The following PPP1R18 variants were observed in gnomAD, a reference collection of about 807,000 sequenced individuals.
PPP1R18 encodes the protein phostensin.
Under a neutral mutation model 54.8 loss-of-function variants are expected in PPP1R18, and 31 were observed. That is an observed-to-expected ratio of 0.57 (90% CI 0.43 to 0.76). The LOEUF is 0.76. Among genes scored for constraint, PPP1R18 ranks in the 30% least tolerant of loss-of-function variants. PPP1R18 has a pLI of 0.00. For synonymous variants in PPP1R18, 310 were observed against 320.2 expected, an observed-to-expected ratio of 0.97 and a Z score of 0.34; for missense variants, 685 against 776.1, an observed-to-expected ratio of 0.88 and a Z score of 1.39.
chr6:30,685,058 C>T lies in PPP1R18; in HGVS notation c.961G>A (p.Asp321Asn). 1 of 1,613,278 alleles carries T rather than the reference C, an allele frequency of 6.2e-7. No homozygotes were observed. The highest frequency in any genetic ancestry group is 1.1e-5 in the South Asian group (1 of 91,090). ...GTTGGCTTCATGCCCCTCTCGCCAT[C>T]TTCCACAGGCCTCTGCTCTGCTGCC... ...VEAAEQRPVE[D>N]GERGMKPTEG... The change falls in exon 1 of 3, where the codon GAT becomes AAT. Residue 321 changes from aspartate (D) to asparagine (N), a missense_variant. Coordinates refer to ENST00000274853, the MANE Select transcript of PPP1R18 (RefSeq NM_133471.4). This position sits in a 1 kb window ranked among gnomAD's most constrained non-coding sequence, Gnocchi z 5.0.
chr6:30,685,644 G>T lies in PPP1R18; in HGVS notation c.375C>A (p.Ser125Arg). ...GPLEARERRP[S>R]PGEMRDQSPK... Reference sequence around the variant, plus strand: ...GGCTCTGATCCCGCATCTCCCCAGGGCTGGGTCTCCGCTCCCGGGCCTCCA... The same window carrying T: ...GGCTCTGATCCCGCATCTCCCCAGGTCTGGGTCTCCGCTCCCGGGCCTCCA... The change falls in exon 1 of 3, where the codon AGC (serine) becomes AGA (arginine). Residue 125 changes from serine to arginine, a missense_variant. By Grantham distance (110) the Ser-to-Arg change is moderately radical (BLOSUM62 -1). Coordinates refer to ENST00000274853, the MANE Select transcript of PPP1R18 (RefSeq NM_133471.4). The surrounding 1 kb of genome is among the most constrained non-coding windows in gnomAD (Gnocchi z 5.0). The T allele has an allele frequency of 6.2e-7, 1 of 1,613,024 alleles. No homozygotes were observed. The highest frequency in any genetic ancestry group is 8.5e-7 in the Non-Finnish European group (1 of 1,180,002).
intron 1 of PPP1R18, 43 bp from the exon 2 acceptor site, chr6:30,679,432 G>C: frequency 7.1e-7 from 1 of 1,417,736 alleles, no homozygotes; most frequent in Admixed American, 1.9e-5. Flanking sequence ...AGGTCAGCAG[G>C]GGAGAAGCCC....
At position 30,685,563 on chromosome 6, in the gene PPP1R18, C is replaced by T; in HGVS notation, c.456G>A (p.Arg152=). 6.2e-7 allele frequency: 1 copy of T among 1,613,044 alleles called. No individual in the cohort carries two copies. Among genetic ancestry groups the T allele is most frequent in the South Asian group, 1.1e-5 (1 of 91,086 alleles). Residue 152 remains arginine, a synonymous_variant, in exon 1 of 3, where the codon AGG becomes AGA. Coordinates refer to ENST00000274853, the MANE Select transcript of PPP1R18 (RefSeq NM_133471.4). The surrounding 1 kb of genome is among the most constrained non-coding windows in gnomAD (Gnocchi z 5.0). ...CTTGGGCTCCCCCTATCCCCAGCCT[C>T]CTCTCTCTGGTCTCCCTCGGACTTA... is the stretch of plus-strand genomic sequence containing the variant. ...ERLSPRETRE[R]RLGIGGAQEL... is the part of the protein sequence containing the mutation.
chr6:30,679,432 G>A lies in PPP1R18; in HGVS notation c.1612-43C>T, dbSNP rs117288608. 7.6e-3 allele frequency: 10,822 copies of A among 1,417,636 alleles called. 277 individuals are homozygous for A. The highest frequency in any genetic ancestry group is 0.074 in the East Asian group (2,958 of 39,706). 87.8% of individuals were successfully genotyped at this position (1,417,636 alleles called of 1,614,324 possible). A position where few individuals can be genotyped will look rare whatever the true frequency, so the allele number is the denominator to read the frequency against. ...AGGGGGCAGGAGGCAAGGTCAGCAG[G>A]GGAGAAGCCCGCGGGGGTTGAGGGA... On this transcript the variant is annotated intron_variant, in intron 1 of 2. Coordinates refer to ENST00000274853, the MANE Select transcript of PPP1R18 (RefSeq NM_133471.4).
Position 30,685,942 on chromosome 6 carries a change from T to C in PPP1R18, c.77A>G (p.Glu26Gly). Residue 26 changes from glutamate (E) to glycine (G), a missense_variant, in exon 1 of 3, where the codon GAG becomes GGG. By Grantham distance (98) the Glu-to-Gly change is moderately conservative. Coordinates refer to ENST00000274853, the MANE Select transcript of PPP1R18 (RefSeq NM_133471.4). The surrounding 1 kb of genome is among the most constrained non-coding windows in gnomAD (Gnocchi z 5.0). ...RQEEASVRGR[E>G]KAERERLSQM... ...GGACAGGCGCTCCCGTTCTGCTTTC[T>C]CTCGGCCTCGAACGGACGCCTCCTC... The C allele has an allele frequency of 6.2e-7, 1 of 1,607,280 alleles. No homozygotes were observed. Among genetic ancestry groups the C allele is most frequent in the Non-Finnish European group, 8.5e-7 (1 of 1,179,894 alleles).
In PPP1R18 at chr6:30,684,370, G is replaced by C. The variant is rs770626550; in HGVS notation, c.1611+38C>G. ...ACCAGAGTCCAGAGAAAATTGACAA[G>C]TGGACTTCTAAGAAGTCTGGCTTGG... On this transcript the variant is annotated intron_variant, in intron 1 of 2. Coordinates refer to ENST00000274853, the MANE Select transcript of PPP1R18 (RefSeq NM_133471.4). This position sits in a 1 kb window ranked among gnomAD's most constrained non-coding sequence, Gnocchi z 6.0. The C allele has an allele frequency of 4.2e-5, 63 of 1,496,986 alleles. No homozygotes were observed. The South Asian group carries it at 7.3e-4, about 17-fold the overall frequency. The allele number at this position is 1,496,986 out of a possible 1,614,324, so 92.7% of individuals were successfully genotyped here. A position where few individuals can be genotyped will look rare whatever the true frequency, so the allele number is the denominator to read the frequency against.
upstream of PPP1R18, chr6:30,687,537 A>T (rs1409325975): frequency 6.6e-6 from 1 of 152,282 alleles, no homozygotes; most frequent in Non-Finnish European, 1.5e-5. The surrounding 1 kb of genome is among the most constrained non-coding windows in gnomAD (Gnocchi z 7.9). Context: ...GTGGCCCGTG[A>T]CTCAGGCCCC....
At chr6:30,679,960 A>G (rs1248373627) in intron 1 of PPP1R18, among the ~76,000 whole-genome samples, 3 of 151,774 alleles carry the variant, frequency 2.0e-5, no homozygotes, top group Non-Finnish European at 4.4e-5. Context: ...GTTCCCTCCT[A>G]CTCTCCTCAT....
At chr6:30,681,084 CAAAA>C (rs536726905) in intron 1 of PPP1R18, among the ~76,000 whole-genome samples, 10,441 of 76,490 alleles carry the variant, frequency 0.14, 661 homozygotes, top group African/African-American at 0.24. Context: ...GACTCTGTCT[CAAAA>C]AAAAAAAAAA....
In PPP1R18 at chr6:30,677,081, T is replaced by C; in HGVS notation, c.*188A>G. ...GTTTAACCCCACCCACACCAGGGACTTTGGATTAGGGTAGAAATTGGGCAA... is the reference window on the plus strand; with the variant it reads ...GTTTAACCCCACCCACACCAGGGACCTTGGATTAGGGTAGAAATTGGGCAA... On this transcript the variant is annotated 3_prime_UTR_variant, in exon 3 of 3. Coordinates refer to ENST00000274853, the MANE Select transcript of PPP1R18 (RefSeq NM_133471.4). 1.4e-6 allele frequency: 1 copy of C among 714,618 alleles called. No individual in the cohort carries two copies. The highest frequency in any genetic ancestry group is 2.6e-6 in the Non-Finnish European group (1 of 390,040). The allele number at this position is 714,618 out of a possible 1,614,324, so 44.3% of individuals were successfully genotyped here.
Position 30,684,327 on chromosome 6 carries a change from G to C in PPP1R18, c.1611+81C>G, listed in dbSNP as rs1476262464. On this transcript the variant is annotated intron_variant, in intron 1 of 2. Transcript: ENST00000274853. This position sits in a 1 kb window ranked among gnomAD's most constrained non-coding sequence, Gnocchi z 6.0. ...GAATAGAGGAAGACAAGAAAACAGG[G>C]GTATAAAAAAGAAAGAGACCAGAGT... 7 of 1,344,542 alleles carry C rather than the reference G, an allele frequency of 5.2e-6. No individual in the cohort carries two copies. In the East Asian group the frequency reaches 1.7e-4, roughly 33 times the overall value. 83.3% of individuals were successfully genotyped at this position (1,344,542 alleles called of 1,614,324 possible). A position where few individuals can be genotyped will look rare whatever the true frequency, so the allele number is the denominator to read the frequency against.
intron 1 of PPP1R18, among the ~76,000 whole-genome samples, chr6:30,682,553 G>A (rs1159437158): frequency 6.6e-6 from 1 of 152,140 alleles, no homozygotes; most frequent in African/African-American, 2.4e-5. Context: ...GCTGACAGGG[G>A]GTAGAGGGTG....
At chr6:30,682,247 G>A (rs1770588850) in intron 1 of PPP1R18, among the ~76,000 whole-genome samples, 1 of 152,000 alleles carries the variant, frequency 6.6e-6, no homozygotes, top group African/African-American at 2.4e-5. Flanking sequence ...TAGAGAGGGG[G>A]TGACTCACTC....
At position 30,684,883 on chromosome 6, in the gene PPP1R18, TCAGCCTCCCCTTCTC is replaced by T. The variant is rs757456840; in HGVS notation, c.1121_1135del (p.Gly374_Ala378del). ...GCCCTGAGCCCCCGCCTCCTCCTTC[TCAGCCTCCCCTTCTC>T]CAGCCTCCACACCGGGAGATTCCAG... On this transcript the variant is annotated inframe_deletion, in exon 1 of 3. Coordinates refer to ENST00000274853, the MANE Select transcript of PPP1R18 (RefSeq NM_133471.4). The surrounding 1 kb of genome is among the most constrained non-coding windows in gnomAD (Gnocchi z 6.0). The T allele has an allele frequency of 2.5e-6, 4 of 1,612,920 alleles. No individual in the cohort carries two copies. The highest frequency in any genetic ancestry group is 3.3e-4 in the Middle Eastern group (2 of 6,062).
Position 30,685,402 on chromosome 6 carries a change from A to C in PPP1R18, c.617T>G (p.Leu206Arg). ...GGGGCTTTGCTCTCGAGACTCTGCT[A>C]GTCTCAGACTCCGCTCTGGAGTTTC... ...PGETPERSLR[L>R]AESREQSPRR... Residue 206 changes from leucine (L) to arginine (R), a missense_variant, in exon 1 of 3, where the codon CTA becomes CGA. By Grantham distance (102) the Leu-to-Arg change is moderately radical (BLOSUM62 -2). Transcript: ENST00000274853. The surrounding 1 kb of genome is among the most constrained non-coding windows in gnomAD (Gnocchi z 5.0). The C allele has an allele frequency of 6.2e-7, 1 of 1,612,948 alleles. No individual in the cohort carries two copies.
intron 1 of PPP1R18, among the ~76,000 whole-genome samples, chr6:30,682,133 G>A (rs918633380): frequency 2.0e-5 from 3 of 151,974 alleles, no homozygotes; most frequent in African/African-American, 2.4e-5. Flanking sequence ...ATTTGCTCTC[G>A]GTCTATGTTT....
At chr6:30,681,403 A>G (rs889827779) in intron 1 of PPP1R18, among the ~76,000 whole-genome samples, 5 of 151,194 alleles carry the variant, frequency 3.3e-5, no homozygotes, top group Non-Finnish European at 5.9e-5. Flanking sequence ...TTTTTTTTCC[A>G]TAATCACTTA....
intron 1 of PPP1R18, 70 bp from the exon 2 acceptor site, chr6:30,679,459 A>G (rs1355204328): frequency 1.2e-4 from 33 of 277,258 alleles, no homozygotes; most frequent in Admixed American, 5.7e-4. Flanking sequence ...GTTGAGGGAG[A>G]GAAAGCGGGG....
At position 30,685,744 on chromosome 6, in the gene PPP1R18, C is replaced by A. The variant is rs565654083; in HGVS notation, c.275G>T (p.Arg92Leu). The A allele has an allele frequency of 6.2e-7, 1 of 1,613,052 alleles. No individual in the cohort carries two copies. Among genetic ancestry groups the A allele is most frequent in the South Asian group, 1.1e-5 (1 of 91,076 alleles). The stretch of plus-strand genomic sequence containing the variant: ...CTGCTGCTGCTGCTGCCGCTCCTGC[C>A]GGATGAATCGGTTCTGGTGCACTGG... ...IGPVHQNRFI[R>L]QERQQQQQQQ... is the part of the protein sequence containing the mutation. The change falls in exon 1 of 3, where the codon CGG becomes CTG. Residue 92 changes from arginine to leucine, a missense_variant. Arg to Leu is a moderately radical substitution (Grantham distance 102). Coordinates refer to ENST00000274853, the MANE Select transcript of PPP1R18 (RefSeq NM_133471.4). The surrounding 1 kb of genome is among the most constrained non-coding windows in gnomAD (Gnocchi z 5.0).
Sources: allele counts gnomAD v4.1 joint callset (sites outside exome capture counted in the v4.1 genomes callset), GRCh38; gene constraint gnomAD v4.1.1; non-coding constraint Gnocchi (gnomAD v3.1); transcripts MANE v1.5; gene names NCBI Gene and HGNC (gene_info 2026-07-23, HGNC 2026-07-21).